MEGF8: variants seen among roughly 807,000 people sequenced by gnomAD.
The protein encoded by MEGF8 is multiple EGF like domains 8.
In MEGF8, 156 loss-of-function variants were observed where a neutral mutation model predicts 302.9. The observed-to-expected ratio is 0.52, with a 90% CI of 0.45 to 0.59. The LOEUF is 0.59. MEGF8 is among the 20% of genes least tolerant of loss of function. The probability of loss-of-function intolerance (pLI) is 0.00; values close to 1 mark genes in which losing one functional copy is unlikely to be tolerated. For synonymous variants in MEGF8, 1,621 were observed against 1,660.5 expected, an observed-to-expected ratio of 0.98 and a Z score of 0.58; for missense variants, 3,345 against 3,964.5, an observed-to-expected ratio of 0.84 and a Z score of 4.20.
At chr19:42,338,138 A>C (rs1394596844) in intron 8 of MEGF8, among the ~76,000 whole-genome samples, 1 of 152,138 alleles carries the variant, frequency 6.6e-6, no homozygotes, top group African/African-American at 2.4e-5. Context: ...CAGTGGTACA[A>C]GTACAGGTTT....
chr19:42,335,105 A>G lies in MEGF8; in HGVS notation c.629A>G (p.Gln210Arg), dbSNP rs2147448739. The change falls in exon 4 of 42, where the codon CAG (glutamine) becomes CGG (arginine). Residue 210 changes from glutamine to arginine, a missense_variant. Gln to Arg is a conservative substitution (Grantham distance 43). Coordinates refer to ENST00000251268, the MANE Select transcript of MEGF8 (RefSeq NM_001271938.2). ...RACDLHLWEN[Q>R]GAGWWHNVSA... is the part of the protein sequence containing the mutation. ...TGTGACCTGCACCTGTGGGAGAACC[A>G]GGGGGCTGGGTGGTGGCACAACGTG... is the stretch of plus-strand genomic sequence containing the variant. 2 of 1,613,886 alleles carry G rather than the reference A, an allele frequency of 1.2e-6. No individual in the cohort carries two copies. Among genetic ancestry groups the G allele is most frequent in the Non-Finnish European group, 1.7e-6 (2 of 1,179,834 alleles).
intron 31 of MEGF8, 110 bp from the exon 32 acceptor site, chr19:42,360,665 C>A: frequency 6.6e-7 from 1 of 1,510,026 alleles, no homozygotes; most frequent in South Asian, 1.3e-5. Flanking sequence ...TGTCCTTTGA[C>A]CCTGTGTTTC....
chr19:42,355,052 G>A (rs536261842), intron 23 of MEGF8, among the ~76,000 whole-genome samples: 1 of 152,258 alleles, frequency 6.6e-6, no homozygotes, highest in South Asian at 2.1e-4. Context: ...TGCCTCCTGG[G>A]CTCCAGCGAT....
chr19:42,344,594 C>A lies in MEGF8; in HGVS notation c.1933+9C>A. 1 of 1,586,610 alleles carries A rather than the reference C, an allele frequency of 6.3e-7. No homozygotes were observed. The highest frequency in any genetic ancestry group is 8.6e-7 in the Non-Finnish European group (1 of 1,166,118). ...CTGCCTCCCTAGGCCTGGTGAGTGT[C>A]CGCAGCAGTGGGCCGGCAGGAGGGG... On this transcript the variant is annotated intron_variant, in intron 11 of 41. Transcript: ENST00000251268. This position sits in a 1 kb window ranked among gnomAD's most constrained non-coding sequence, Gnocchi z 4.5.
Position 42,370,302 on chromosome 19 carries a change from G to A in MEGF8, c.6948G>A (p.Arg2316=). 6 of 1,612,432 alleles carry A rather than the reference G, an allele frequency of 3.7e-6. No individual in the cohort carries two copies. Among genetic ancestry groups the A allele is most frequent in the Non-Finnish European group, 5.1e-6 (6 of 1,179,248 alleles). ...GAAATAGCCACATCTGCATCTCCAG[G>A]AAGGAGTTACAAATGTCCAAGGGAG... ...CRGNSHICIS[R]KELQMSKGEP... The change falls in exon 39 of 42, where the codon AGG becomes AGA. Residue 2316 remains arginine, a synonymous_variant. Transcript: ENST00000251268.
rs952857076 is a variant in MEGF8 at position 42,358,712 on chromosome 19, C to G, written c.5176-75C>G. 20 of 1,444,626 alleles carry G rather than the reference C, an allele frequency of 1.4e-5. 1 individual carries two copies. Among genetic ancestry groups the G allele is most frequent in the Non-Finnish European group, 1.6e-5 (18 of 1,092,784 alleles). The allele number at this position is 1,444,626 out of a possible 1,614,324, so 89.5% of individuals were successfully genotyped here. ...TGGTTTCAGTCCACACGTTTCCAAG[C>G]CCGTCTTGGAGGCAGGGGGCTAGAA... is the stretch of plus-strand genomic sequence containing the variant. On this transcript the variant is annotated intron_variant, in intron 29 of 41. Transcript: ENST00000251268. This position sits in a 1 kb window ranked among gnomAD's most constrained non-coding sequence, Gnocchi z 4.4.
At position 42,353,722 on chromosome 19, in the gene MEGF8, A is replaced by C; in HGVS notation, c.3761+47A>C. 6.4e-7 allele frequency: 1 copy of C among 1,573,536 alleles called. No homozygotes were observed. Among genetic ancestry groups the C allele is most frequent in the South Asian group, 1.2e-5 (1 of 85,662 alleles). ...GGCTGGGTAGGGTGTGCTTGGGGAC[A>C]CAGTGGGGAGGGTCAGGACTGGTCT... On this transcript the variant is annotated intron_variant, in intron 21 of 41. Transcript: ENST00000251268. This position sits in a 1 kb window ranked among gnomAD's most constrained non-coding sequence, Gnocchi z 6.1.
Position 42,354,753 on chromosome 19 carries a change from T to C in MEGF8, c.4144+33T>C. ...GGCTAGGGGAAGTGGGACCTCTTAG[T>C]CCTGGGCTATGTATCCCTTGCCCCT... On this transcript the variant is annotated intron_variant, in intron 23 of 41. Transcript: ENST00000251268. This position sits in a 1 kb window ranked among gnomAD's most constrained non-coding sequence, Gnocchi z 4.3. 6.3e-7 allele frequency: 1 copy of C among 1,574,986 alleles called. No individual in the cohort carries two copies. Among genetic ancestry groups the C allele is most frequent in the East Asian group, 2.3e-5 (1 of 44,252 alleles).
chr19:42,358,854 G>T lies in MEGF8; in HGVS notation c.5243G>T (p.Gly1748Val). The T allele has an allele frequency of 1.2e-6, 2 of 1,609,002 alleles. No homozygotes were observed. Among genetic ancestry groups the T allele is most frequent in the Non-Finnish European group, 1.7e-6 (2 of 1,177,698 alleles). ...GGCCAAGTTCCTGGGGAGCAGCCTG[G>T]GTCATGGGGGTTCCGGGAAGTCAGG... ...GLGQVPGEQP[G>V]SWGFREVRKK... The change falls in exon 30 of 42, where the codon GGG becomes GTG. Residue 1748 changes from glycine to valine, a missense_variant. Physicochemically the swap from Gly to Val is moderately radical, Grantham distance 109. Transcript: ENST00000251268. The surrounding 1 kb of genome is among the most constrained non-coding windows in gnomAD (Gnocchi z 4.4).
intron 40 of MEGF8, 34 bp from the exon 41 acceptor site, chr19:42,371,316 A>G (rs2039687906): frequency 3.1e-6 from 5 of 1,611,136 alleles, no homozygotes; most frequent in African/African-American, 2.7e-5. Context: ...ACTGCAGGCC[A>G]TGGGGGCTCC....
In MEGF8 at chr19:42,362,542, C is replaced by T. The variant is rs536661123; in HGVS notation, c.6003C>T (p.Cys2001=). Residue 2001 remains cysteine, a synonymous_variant, in exon 34 of 42, where the codon TGC becomes TGT. Transcript: ENST00000251268. The part of the protein sequence containing the change: ...CSEAACGAAD[C]EQCTREGKCM... ...AGGCTGCGTGCGGGGCTGCTGACTG[C>T]GAGCAGTGCACGCGGGAGGGCAAGT... 2.5e-5 allele frequency: 40 copies of T among 1,613,540 alleles called. No homozygotes were observed. Among genetic ancestry groups the T allele is most frequent in the South Asian group, 5.5e-5 (5 of 91,084 alleles).
intron 35 of MEGF8, among the ~76,000 whole-genome samples, chr19:42,367,412 CTG>C: frequency 6.6e-6 from 1 of 152,092 alleles, no homozygotes; most frequent in Non-Finnish European, 1.5e-5. Flanking sequence ...CCTCAGCCTC[CTG>C]CGTAGCTGGG....
intron 8 of MEGF8, among the ~76,000 whole-genome samples, chr19:42,341,544 C>T (rs2147460122): frequency 6.6e-6 from 1 of 152,084 alleles, no homozygotes; most frequent in South Asian, 2.1e-4. Context: ...TCAAGTCATC[C>T]TTCCATCTCA....
At chr19:42,342,636 C>CA (rs796173686) in intron 8 of MEGF8, among the ~76,000 whole-genome samples, 3,472 of 115,604 alleles carry the variant, frequency 0.03, 123 homozygotes, top group African/African-American at 0.092. Flanking sequence ...GACTCTGTCT[C>CA]AAAAAAAAAA....
Position 42,371,382 on chromosome 19 carries a change from A to G in MEGF8, c.7169A>G (p.Asn2390Ser). Residue 2390 changes from asparagine to serine, a missense_variant, in exon 41 of 42, where the codon AAC becomes AGC. By Grantham distance (46) the Asn-to-Ser change is conservative. Transcript: ENST00000251268. ...TGTAATGGCCACGCGGACACATGTA[A>G]CGAGCAGGATGGGACGGGCTGTCCA... ...CQCNGHADTC[N>S]EQDGTGCPCQ... is the part of the protein sequence containing the mutation. 6.2e-7 allele frequency: 1 copy of G among 1,613,944 alleles called. No homozygotes were observed. Among genetic ancestry groups the G allele is most frequent in the South Asian group, 1.1e-5 (1 of 91,082 alleles).
intron 35 of MEGF8, among the ~76,000 whole-genome samples, chr19:42,364,118 T>C (rs2039571506): frequency 6.6e-6 from 1 of 151,914 alleles, no homozygotes; most frequent in African/African-American, 2.4e-5. Flanking sequence ...GGCTGTGGGG[T>C]GGAGAGATGA....
intron 2 of MEGF8, 96 bp downstream of exon 2, chr19:42,333,864 C>T: frequency 7.7e-6 from 12 of 1,549,550 alleles, no homozygotes; most frequent in Non-Finnish European, 1.1e-5. Flanking sequence ...GAGCAGAGCA[C>T]AGGGACAAGG....
At position 42,376,167 on chromosome 19, in the gene MEGF8, G is replaced by C. The variant is rs1184993084; in HGVS notation, c.7930G>C (p.Ala2644Pro). 2 of 1,611,038 alleles carry C rather than the reference G, an allele frequency of 1.2e-6. No homozygotes were observed. Among genetic ancestry groups the C allele is most frequent in the Admixed American group, 3.4e-5 (2 of 59,670 alleles). ...CCTGCTCTTCTTCCGGCAGGACCAG[G>C]CCCACATTGACCTGTTTGTCTTCTT... ...QGLLFFRQDQ[A>P]HIDLFVFFSV... The change falls in exon 42 of 42, where the codon GCC becomes CCC. Residue 2644 changes from alanine to proline, a missense_variant. Coordinates refer to ENST00000251268, the MANE Select transcript of MEGF8 (RefSeq NM_001271938.2). This position sits in a 1 kb window ranked among gnomAD's most constrained non-coding sequence, Gnocchi z 8.2.
chr19:42,330,712 T>C (rs2039044271), intron 1 of MEGF8, among the ~76,000 whole-genome samples: 1 of 152,198 alleles, frequency 6.6e-6, no homozygotes, highest in South Asian at 2.1e-4. Context: ...ATGGGCCTTG[T>C]AGGCTGCAGG....
Sources: allele counts gnomAD v4.1 joint callset (sites outside exome capture counted in the v4.1 genomes callset), GRCh38; gene constraint gnomAD v4.1.1; non-coding constraint Gnocchi (gnomAD v3.1); transcripts MANE v1.5; gene names NCBI Gene and HGNC (gene_info 2026-07-23, HGNC 2026-07-21).